Variants in NAT10 observed in about 807,000 individuals in gnomAD.
NAT10 encodes N-acetyltransferase 10, also known as RNA cytidine acetyltransferase.
NAT10 carries 109 observed loss-of-function variants against 132.2 expected under a neutral mutation model. That is an observed-to-expected ratio of 0.82 (90% CI 0.71 to 0.97). The LOEUF is 0.97. NAT10 is among the 50% of genes least tolerant of loss of function. The pLI, the probability that NAT10 is intolerant of heterozygous loss-of-function variation, is 0.00. For synonymous variants in NAT10, 479 were observed against 478.0 expected (o/e 1.00, Z -0.03); for missense variants, 1,184 against 1,263.4 (o/e 0.94, Z 0.95).
intron 18 of NAT10, 100 bp downstream of exon 18, chr11:34,134,686 G>A: frequency 1.1e-6 from 1 of 931,624 alleles, no homozygotes; most frequent in Non-Finnish European, 1.6e-6. Context: ...GCAGAAGCAA[G>A]TGAAGTGTAG....
Position 34,141,822 on chromosome 11 carries a change from G to T in NAT10, c.2811+5G>T, listed in dbSNP as rs371663121. 1.1e-5 allele frequency: 17 copies of T among 1,612,412 alleles called. No individual in the cohort carries two copies. Among genetic ancestry groups the T allele is most frequent in the Admixed American group, 1.7e-5 (1 of 59,970 alleles). On this transcript the variant is annotated splice_donor_5th_base_variant and intron_variant, in intron 26 of 28. Coordinates refer to ENST00000257829, the MANE Select transcript of NAT10 (RefSeq NM_024662.3). The stretch of plus-strand genomic sequence containing the variant: ...AAGACCCTCAGTGACGACCTAGTAT[G>T]TCCCTGCTCATGGCCTCGGGAGTCC...
intron 11 of NAT10, among the ~76,000 whole-genome samples, chr11:34,126,614 G>C (rs1266231576): frequency 6.6e-6 from 1 of 152,190 alleles, no homozygotes; most frequent in Non-Finnish European, 1.5e-5. Flanking sequence ...ATTCATTTGA[G>C]TTTTAATTTC....
At chr11:34,144,280 T>G (rs765540133) in intron 28 of NAT10, among the ~76,000 whole-genome samples, 3 of 152,086 alleles carry the variant, frequency 2.0e-5, no homozygotes, top group Non-Finnish European at 4.4e-5. Flanking sequence ...CAAAAAAATT[T>G]TAAAAAGAAA....
At position 34,130,342 on chromosome 11, in the gene NAT10, A is replaced by G. The variant is rs139156095; in HGVS notation, c.1245-471A>G. On this transcript the variant is annotated intron_variant, in intron 12 of 28. Coordinates refer to ENST00000257829, the MANE Select transcript of NAT10 (RefSeq NM_024662.3). The stretch of plus-strand genomic sequence containing the variant: ...ATTTGTTTTATTTTCCAAACTGGAA[A>G]TGTTCTCAGTTCATTTCCTTATGCA... 6.2e-3 allele frequency among the ~76,000 whole-genome samples: 942 copies of G among 152,336 alleles called. 14 individuals carry two copies. The highest frequency in any genetic ancestry group is 0.022 in the African/African-American group (895 of 41,582).
intron 4 of NAT10, among the ~76,000 whole-genome samples, chr11:34,112,988 A>G (rs933378285): frequency 2.6e-5 from 4 of 152,274 alleles, no homozygotes; most frequent in Non-Finnish European, 5.9e-5. Context: ...ACCTTGCAAA[A>G]TATGGGTTGT....
At chr11:34,134,657 G>T in intron 18 of NAT10, 71 bp downstream of exon 18, 2 of 1,461,700 alleles carry the variant, frequency 1.4e-6, no homozygotes, top group Non-Finnish European at 1.9e-6. Flanking sequence ...CTTGGTGGCT[G>T]GAATAAGAAG....
chr11:34,114,592 A>G (rs1221688434), intron 5 of NAT10, among the ~76,000 whole-genome samples: 1 of 152,190 alleles, frequency 6.6e-6, no homozygotes, highest in Non-Finnish European at 1.5e-5. Flanking sequence ...GTCCTCAGAC[A>G]TGCCCAGCAC....
intron 8 of NAT10, among the ~76,000 whole-genome samples, chr11:34,119,978 C>A (rs1851859834): frequency 1.3e-5 from 2 of 152,060 alleles, no homozygotes; most frequent in South Asian, 4.2e-4. Flanking sequence ...TTCTCTACAC[C>A]CTCGCAGCCG....
intron 8 of NAT10, among the ~76,000 whole-genome samples, chr11:34,120,730 A>G (rs570638154): frequency 1.2e-4 from 18 of 152,334 alleles, no homozygotes; most frequent in Admixed American, 6.5e-5. Flanking sequence ...TCAGTAAATA[A>G]AAGACATGAG....
At chr11:34,111,995 G>T in intron 3 of NAT10, 57 bp from the exon 4 acceptor site, 1 of 1,597,850 alleles carries the variant, frequency 6.3e-7, no homozygotes, top group Middle Eastern at 1.7e-4. Context: ...CCTGGTTCCA[G>T]CTCTTTAGCT....
At chr11:34,133,734 T>C (rs539579793) in intron 16 of NAT10, among the ~76,000 whole-genome samples, 167 of 152,328 alleles carry the variant, frequency 1.1e-3, no homozygotes, top group African/African-American at 3.8e-3. Flanking sequence ...TGTGTCTTGA[T>C]GGCCTTCACA....
intron 14 of NAT10, among the ~76,000 whole-genome samples, chr11:34,131,877 G>A (rs112967485): frequency 1.5e-4 from 23 of 151,912 alleles, no homozygotes; most frequent in African/African-American, 4.8e-4. Context: ...GTAGAGACAG[G>A]GTTTCACCAT....
chr11:34,119,271 G>A (rs1851842166), intron 8 of NAT10, among the ~76,000 whole-genome samples: 1 of 152,240 alleles, frequency 6.6e-6, no homozygotes, highest in Admixed American at 6.5e-5. Flanking sequence ...TCTTTGAACT[G>A]TCAGGTGTGT....
intron 8 of NAT10, among the ~76,000 whole-genome samples, chr11:34,121,818 C>A (rs1436420507): frequency 5.6e-5 from 8 of 142,278 alleles, no homozygotes; most frequent in Non-Finnish European, 1.2e-4. Flanking sequence ...TGAGATCATG[C>A]CACTGCACTC....
chr11:34,138,259 G>A (rs563826759), intron 21 of NAT10, among the ~76,000 whole-genome samples: 16 of 152,290 alleles, frequency 1.1e-4, no homozygotes, highest in African/African-American at 2.9e-4. Flanking sequence ...GGCAGAGAGC[G>A]TGGGAATGGA....
intron 8 of NAT10, among the ~76,000 whole-genome samples, chr11:34,121,137 C>T (rs2132948949): frequency 6.6e-6 from 1 of 152,238 alleles, no homozygotes; most frequent in Non-Finnish European, 1.5e-5. Context: ...GCAGTGGAGG[C>T]TTTTATGCCC....
chr11:34,128,327 C>G (rs1346697230), intron 12 of NAT10, among the ~76,000 whole-genome samples: 1 of 145,728 alleles, frequency 6.9e-6, no homozygotes, highest in East Asian at 2.0e-4. Context: ...GCTCTCCAGT[C>G]TGGGCGACAG....
At position 34,144,913 on chromosome 11, in the gene NAT10, A is replaced by G. The variant is rs189694979; in HGVS notation, c.2970-1171A>G. ...AACCTTGTGTCTCTAGGAACTATAG[A>G]TCCCAGAAATCAGGTACTGTCTTCC... On this transcript the variant is annotated intron_variant, in intron 28 of 28. Transcript: ENST00000257829. Among the ~76,000 whole-genome samples the G allele has an allele frequency of 6.4e-3, 977 of 152,360 alleles. 4 individuals are homozygous for G. The highest frequency in any genetic ancestry group is 0.011 in the Non-Finnish European group (729 of 68,028).
intron 1 of NAT10, among the ~76,000 whole-genome samples, chr11:34,108,009 G>A (rs910728814): frequency 6.6e-6 from 1 of 152,194 alleles, no homozygotes; most frequent in African/African-American, 2.4e-5. Context: ...CAGGCTGAGG[G>A]AAGGTTTTCT....
Sources: gnomAD v4.1 joint callset for allele counts (sites outside exome capture counted in the v4.1 genomes callset) on GRCh38, gnomAD v4.1.1 for gene constraint, MANE v1.5 for transcripts, NCBI Gene and HGNC (gene_info 2026-07-23, HGNC 2026-07-21) for gene names.